Variants in RBFOX1 observed in about 807,000 individuals in gnomAD.
RBFOX1 encodes RNA binding fox-1 homolog 1.
Under a neutral mutation model 57.7 loss-of-function variants are expected in RBFOX1, and 8 were observed. That is an observed-to-expected ratio of 0.14 (90% CI 0.08 to 0.25). The LOEUF is 0.25. Ranked by LOEUF, RBFOX1 falls within the 10% of genes least tolerant of loss-of-function variation. The pLI is 1.00. For missense variants in RBFOX1, 611 were observed against 548.5 expected (o/e 1.11, Z -1.14); for synonymous variants, 326 against 222.4 (o/e 1.47, Z -4.15).
chr16:7,460,389 A>ATATATGTGTGTG, intron 4 of RBFOX1, among the ~76,000 whole-genome samples: 9 of 87,166 alleles, frequency 1.0e-4, no homozygotes, highest in African/African-American at 4.6e-4. Flanking sequence ...ATATATATAT[A>ATATATGTGTGTG]TGTGTGTGTG....
intron 3 of RBFOX1, among the ~76,000 whole-genome samples, chr16:5,861,641 G>A (rs2057217457): frequency 6.6e-6 from 1 of 152,138 alleles, no homozygotes; most frequent in Admixed American, 6.5e-5. Context: ...TTCACCCATA[G>A]GACTCCCCCT....
At chr16:6,817,801 C>G (rs765946453) in intron 3 of RBFOX1, among the ~76,000 whole-genome samples, 1 of 152,062 alleles carries the variant, frequency 6.6e-6, no homozygotes, top group African/African-American at 2.4e-5. Context: ...TGACAAAAAC[C>G]TTATTAACTA....
chr16:5,518,001 A>C (rs1344831898), intron 2 of RBFOX1, among the ~76,000 whole-genome samples: 3 of 151,834 alleles, frequency 2.0e-5, no homozygotes, highest in African/African-American at 7.3e-5. Flanking sequence ...ATGGAGCCCC[A>C]GTGTTGACTT....
At chr16:6,672,920 C>T (rs1450684235) in intron 3 of RBFOX1, among the ~76,000 whole-genome samples, 1 of 152,124 alleles carries the variant, frequency 6.6e-6, no homozygotes, top group Non-Finnish European at 1.5e-5. Context: ...CCCTAGACCC[C>T]AGGCAAGGGC....
chr16:7,390,020 A>G (rs768803205), intron 4 of RBFOX1, among the ~76,000 whole-genome samples: 3 of 152,170 alleles, frequency 2.0e-5, no homozygotes, highest in Non-Finnish European at 2.9e-5. Context: ...GCCTCAGGAA[A>G]CTTATAATCA....
chr16:6,052,508 G>A (rs1218038537), intron 1 of RBFOX1, among the ~76,000 whole-genome samples: 1 of 152,104 alleles, frequency 6.6e-6, no homozygotes, highest in African/African-American at 2.4e-5. Flanking sequence ...GCCTAGGCCG[G>A]GCGCGGTGGC....
At chr16:7,016,706 CG>C (rs1287453828) in intron 3 of RBFOX1, among the ~76,000 whole-genome samples, 1 of 152,158 alleles carries the variant, frequency 6.6e-6, no homozygotes, top group Non-Finnish European at 1.5e-5. Flanking sequence ...TGCCTATTCC[CG>C]TATTTTTCTT....
At chr16:7,570,342 CTTATT>C (rs946590077) in intron 5 of RBFOX1, among the ~76,000 whole-genome samples, 1 of 152,052 alleles carries the variant, frequency 6.6e-6, no homozygotes, top group Non-Finnish European at 1.5e-5. Context: ...TGCTACAGTT[CTTATT>C]TTATTTCTAA....
chr16:5,780,725 C>T (rs1300065978), intron 3 of RBFOX1, among the ~76,000 whole-genome samples: 9 of 152,170 alleles, frequency 5.9e-5, no homozygotes, highest in East Asian at 1.9e-4. Flanking sequence ...GAAATTCCAC[C>T]GTTAAGTCAC....
chr16:6,884,386 A>G (rs1290078681), intron 3 of RBFOX1, among the ~76,000 whole-genome samples: 2 of 152,184 alleles, frequency 1.3e-5, no homozygotes, highest in Non-Finnish European at 1.5e-5. Context: ...CCCTCAGTCA[A>G]TGCAAGCAAC....
intron 1 of RBFOX1, among the ~76,000 whole-genome samples, chr16:5,437,943 G>T (rs1178496629): frequency 1.3e-5 from 2 of 152,108 alleles, no homozygotes; most frequent in Admixed American, 1.3e-4. Flanking sequence ...TCCTTCTAGG[G>T]CAAATGAGTG....
intron 2 of RBFOX1, among the ~76,000 whole-genome samples, chr16:6,452,183 C>T (rs1447982272): frequency 6.7e-6 from 1 of 150,326 alleles, no homozygotes; most frequent in Non-Finnish European, 1.5e-5. Flanking sequence ...TCCTTCCTTC[C>T]ATGACTCCAC....
chr16:5,604,154 G>T (rs1369877402), downstream of RBFOX1, among the ~76,000 whole-genome samples: 1 of 152,152 alleles, frequency 6.6e-6, no homozygotes, highest in African/African-American at 2.4e-5. Context: ...TCATTCCAGA[G>T]CCATATTTCA....
At chr16:7,373,244 A>C (rs371340096) in intron 4 of RBFOX1, among the ~76,000 whole-genome samples, 15 of 152,090 alleles carry the variant, frequency 9.9e-5, no homozygotes, top group Non-Finnish European at 1.5e-4. Context: ...AAATTGCATT[A>C]CTTTTAATTC....
chr16:6,164,827 C>T (rs1045257163), intron 1 of RBFOX1, among the ~76,000 whole-genome samples: 1 of 152,042 alleles, frequency 6.6e-6, no homozygotes, highest in Non-Finnish European at 1.5e-5. Flanking sequence ...TACAAGAAGA[C>T]TGTCGATGTA....
At chr16:5,640,020 T>G (rs1030743785) in intron 3 of RBFOX1, among the ~76,000 whole-genome samples, 7 of 152,212 alleles carry the variant, frequency 4.6e-5, no homozygotes, top group African/African-American at 1.2e-4. Context: ...CCCGTGGTGC[T>G]GGGTGCTGCA....
intron 3 of RBFOX1, among the ~76,000 whole-genome samples, chr16:6,963,180 T>C (rs1005898398): frequency 6.6e-6 from 1 of 151,860 alleles, no homozygotes; most frequent in Non-Finnish European, 1.5e-5. Flanking sequence ...AGCACTGCTA[T>C]TTTTTTTCGG....
intron 1 of RBFOX1, among the ~76,000 whole-genome samples, chr16:5,302,040 A>G (rs1028579860): frequency 6.6e-6 from 1 of 151,830 alleles, no homozygotes; most frequent in Non-Finnish European, 1.5e-5. Flanking sequence ...TAGATCATTC[A>G]TTTTACAGCT....
intron 4 of RBFOX1, among the ~76,000 whole-genome samples, chr16:5,877,126 CAGGAGGAGGGAAA>C (rs1229365067): frequency 6.6e-6 from 1 of 152,136 alleles, no homozygotes; most frequent in East Asian, 1.9e-4. Context: ...TGATTATATC[CAGGAGGAGGGAAA>C]AGAGATTGTG....
Sources: allele counts gnomAD v4.1 joint callset (sites outside exome capture counted in the v4.1 genomes callset), GRCh38; gene constraint gnomAD v4.1.1; transcripts MANE v1.5; gene names NCBI Gene and HGNC (gene_info 2026-07-23, HGNC 2026-07-21).